Variants in CHL1 observed in about 807,000 individuals in gnomAD.
CHL1 encodes neural cell adhesion molecule L1-like protein.
In CHL1, 96 loss-of-function variants were observed where a neutral mutation model predicts 141.9. The ratio of observed to expected loss-of-function variants is 0.68; its 90% confidence interval spans 0.57 to 0.80. CHL1 has a LOEUF of 0.80. Among genes scored for constraint, CHL1 ranks in the 30% least tolerant of loss-of-function variants. The pLI, the probability that CHL1 is intolerant of heterozygous loss-of-function variation, is 0.00. For missense variants in CHL1, 1,820 were observed against 1,457.2 expected, an observed-to-expected ratio of 1.25 and a Z score of -4.05; for synonymous variants, 613 against 502.2, an observed-to-expected ratio of 1.22 and a Z score of -2.95.
chr3:361,802 C>G lies in CHL1; in HGVS notation c.1410C>G (p.Val470=). Residue 470 remains valine, a synonymous_variant, in exon 13 of 28, where the codon GTC becomes GTG. Transcript: ENST00000256509. ...HCEFFASPEA[V]VSWQKVEEVK... is the part of the protein sequence containing the mutation. Reference sequence around the variant, plus strand: ...AGTTCTTTGCTTCACCTGAGGCAGTCGTGTCCTGGTAAGCCGGTGGCTCAT... The same window carrying G: ...AGTTCTTTGCTTCACCTGAGGCAGTGGTGTCCTGGTAAGCCGGTGGCTCAT... 1 of 1,606,294 alleles carries G rather than the reference C, an allele frequency of 6.2e-7. No homozygotes were observed. Among genetic ancestry groups the G allele is most frequent in the South Asian group, 1.1e-5 (1 of 90,900 alleles).
At chr3:403,394 A>G (rs1709293951) in intron 27 of CHL1, among the ~76,000 whole-genome samples, 1 of 152,194 alleles carries the variant, frequency 6.6e-6, no homozygotes, top group African/African-American at 2.4e-5. Context: ...TATACAAGAT[A>G]CAAATTCCAT....
intron 14 of CHL1, chr3:363,894 G>C (rs1437993979): frequency 6.6e-6 from 1 of 152,186 alleles, no homozygotes; most frequent in Non-Finnish European, 1.5e-5. Flanking sequence ...GGGCTTCACT[G>C]ATATTTTGAT....
intron 11 of CHL1, among the ~76,000 whole-genome samples, chr3:359,940 A>T (rs769120070): frequency 6.6e-6 from 1 of 152,204 alleles, no homozygotes; most frequent in African/African-American, 2.4e-5. Context: ...ATCAGTGTCT[A>T]AATTCAGAAG....
intron 15 of CHL1, 111 bp from the exon 16 acceptor site, chr3:377,707 T>A (rs1423757685): frequency 7.6e-6 from 7 of 915,626 alleles, no homozygotes; most frequent in Non-Finnish European, 1.1e-5. Context: ...CATAAAGTCA[T>A]CTTTCACTCT....
chr3:221,595 A>G (rs1041496972), intron 1 of CHL1, among the ~76,000 whole-genome samples: 2 of 152,242 alleles, frequency 1.3e-5, no homozygotes, highest in African/African-American at 4.8e-5. Context: ...TTAAAAGAGG[A>G]AAAGTAGAGG....
At chr3:322,668 AT>A (rs1700689531) in intron 3 of CHL1, among the ~76,000 whole-genome samples, 2 of 136,344 alleles carry the variant, frequency 1.5e-5, no homozygotes, top group Non-Finnish European at 3.1e-5. Flanking sequence ...ATATATATAT[AT>A]AATTATATAT....
chr3:406,401 T>TTTTTCTG lies in CHL1; in HGVS notation c.*694_*695insCTGTTTT, dbSNP rs1709535369. The TTTTTCTG allele has an allele frequency of 1.2e-3, 1 of 834 alleles. No individual in the cohort carries two copies. Among genetic ancestry groups the TTTTTCTG allele is most frequent in the African/African-American group, 1.3e-3 (1 of 792 alleles). 0.1% of individuals were successfully genotyped at this position (834 alleles called of 1,614,324 possible). A position where few individuals can be genotyped will look rare whatever the true frequency, so the allele number is the denominator to read the frequency against. On this transcript the variant is annotated 3_prime_UTR_variant, in exon 28 of 28. Coordinates refer to ENST00000256509, the MANE Select transcript of CHL1 (RefSeq NM_006614.4). ...CCACAAGCATCACTTTTTGTGTCTG[T>TTTTTCTG]TTTTTTTTTTTTTCTTGGACTAAAT... is the stretch of plus-strand genomic sequence containing the variant.
At chr3:280,212 ATT>A (rs201114993) in intron 2 of CHL1, among the ~76,000 whole-genome samples, 1,650 of 145,720 alleles carry the variant, frequency 0.011, 34 homozygotes, top group African/African-American at 0.039. Context: ...GAGTCTAGGC[ATT>A]TTTTTTTTTT....
At chr3:309,824 TC>T (rs942961224) in intron 2 of CHL1, among the ~76,000 whole-genome samples, 4 of 152,218 alleles carry the variant, frequency 2.6e-5, no homozygotes, top group Non-Finnish European at 5.9e-5. Context: ...CCTATGTTTT[TC>T]TAATTAGTTT....
At chr3:305,809 A>G (rs1699177974) in intron 2 of CHL1, among the ~76,000 whole-genome samples, 1 of 151,922 alleles carries the variant, frequency 6.6e-6, no homozygotes, top group Non-Finnish European at 1.5e-5. Context: ...TTTACTGAAT[A>G]CGTTCCTTTG....
At chr3:355,001 A>G (rs1379891964) in intron 11 of CHL1, among the ~76,000 whole-genome samples, 1 of 152,210 alleles carries the variant, frequency 6.6e-6, no homozygotes, top group African/African-American at 2.4e-5. Flanking sequence ...TAAATTATAT[A>G]TAAGAATAAA....
intron 11 of CHL1, among the ~76,000 whole-genome samples, chr3:358,893 T>G (rs1488301777): frequency 6.6e-6 from 1 of 150,654 alleles, no homozygotes; most frequent in East Asian, 1.9e-4. Flanking sequence ...AACTAAAAAT[T>G]TTTGCATTTG....
At chr3:291,373 A>G (rs1697679820) in intron 2 of CHL1, among the ~76,000 whole-genome samples, 1 of 152,010 alleles carries the variant, frequency 6.6e-6, no homozygotes, top group Non-Finnish European at 1.5e-5. Context: ...CTTAAAAAAC[A>G]TATTGGGTAA....
At chr3:351,316 A>G (rs1267973466) in intron 10 of CHL1, among the ~76,000 whole-genome samples, 1 of 152,246 alleles carries the variant, frequency 6.6e-6, no homozygotes, top group East Asian at 1.9e-4. Context: ...TGAGATGTAA[A>G]TGATGTTTTT....
chr3:360,816 C>T (rs1459537816), intron 12 of CHL1, among the ~76,000 whole-genome samples: 2 of 143,332 alleles, frequency 1.4e-5, no homozygotes, highest in Admixed American at 7.3e-5. Flanking sequence ...TGTTCAATTC[C>T]CACCTATGAG....
chr3:391,996 T>A (rs1200657478), intron 23 of CHL1, among the ~76,000 whole-genome samples, 199 bp downstream of exon 23: 3 of 152,210 alleles, frequency 2.0e-5, no homozygotes, highest in African/African-American at 7.2e-5. Context: ...TAAAGTTTTA[T>A]GACGACATGG....
intron 1 of CHL1, among the ~76,000 whole-genome samples, chr3:235,318 G>A (rs932711781): frequency 1.3e-5 from 2 of 151,934 alleles, no homozygotes; most frequent in Admixed American, 6.6e-5. Flanking sequence ...GTGACATTAG[G>A]CAATATGTAA....
chr3:219,636 G>A (rs1700649161), intron 1 of CHL1, among the ~76,000 whole-genome samples: 1 of 152,192 alleles, frequency 6.6e-6, no homozygotes, highest in African/African-American at 2.4e-5. Flanking sequence ...ATAAGTGGAA[G>A]CTAAGTGATG....
intron 15 of CHL1, among the ~76,000 whole-genome samples, chr3:369,666 G>T (rs554950358): frequency 1.3e-5 from 2 of 152,280 alleles, no homozygotes; most frequent in Admixed American, 1.3e-4. Flanking sequence ...GGGCATCCTT[G>T]TCTTGTACTA....
Sources: gnomAD v4.1 joint callset for allele counts (sites outside exome capture counted in the v4.1 genomes callset) on GRCh38, gnomAD v4.1.1 for gene constraint, MANE v1.5 for transcripts, NCBI Gene and HGNC (gene_info 2026-07-23, HGNC 2026-07-21) for gene names.